TOM1L2: variants seen among roughly 807,000 people sequenced by gnomAD.
TOM1L2 encodes the protein TOM1-like protein 2.
TOM1L2 carries 31 observed loss-of-function variants against 67.9 expected under a neutral mutation model. The ratio of observed to expected loss-of-function variants is 0.46; its 90% CI spans 0.34 to 0.62. The LOEUF is 0.62. Ranked by LOEUF, TOM1L2 falls within the 20% of genes least tolerant of loss-of-function variation. The pLI is 0.01. For missense variants in TOM1L2, 606 were observed against 663.5 expected (o/e 0.91, Z 0.95); for synonymous variants, 256 against 254.0 (o/e 1.01, Z -0.07).
intron 4 of TOM1L2, 98 bp from the exon 5 acceptor site, chr17:17,884,866 C>T: frequency 2.0e-6 from 3 of 1,500,098 alleles, no homozygotes; most frequent in Middle Eastern, 2.4e-4. Flanking sequence ...GACCAGTGCT[C>T]TCCTACTTGC....
chr17:17,970,273 C>A (rs1344223696), intron 1 of TOM1L2, among the ~76,000 whole-genome samples: 1 of 151,854 alleles, frequency 6.6e-6, no homozygotes, highest in Admixed American at 6.6e-5. Context: ...ACCGTGTTAG[C>A]CAAGATGGTC....
intron 4 of TOM1L2, among the ~76,000 whole-genome samples, chr17:17,888,237 T>G (rs1192310049): frequency 6.6e-6 from 1 of 152,138 alleles, no homozygotes; most frequent in Non-Finnish European, 1.5e-5. Context: ...GCTACAAGAT[T>G]AGGGGCTTGG....
At chr17:17,917,114 C>A (rs912760220) in intron 1 of TOM1L2, among the ~76,000 whole-genome samples, 14 of 152,182 alleles carry the variant, frequency 9.2e-5, no homozygotes, top group African/African-American at 3.1e-4. Context: ...GAGCCGAGAT[C>A]ACGCCACTGC....
chr17:17,912,045 T>C (rs1478998455), intron 1 of TOM1L2, among the ~76,000 whole-genome samples: 14 of 151,814 alleles, frequency 9.2e-5, no homozygotes, highest in Admixed American at 7.2e-4. Flanking sequence ...AAGTCTCCCA[T>C]GTCTACTTCT....
chr17:17,911,730 T>C (rs979884091), intron 1 of TOM1L2, among the ~76,000 whole-genome samples: 5 of 149,180 alleles, frequency 3.4e-5, no homozygotes, highest in African/African-American at 9.9e-5. Flanking sequence ...CATAGGACAA[T>C]AGTGGAGGGA....
intron 2 of TOM1L2, among the ~76,000 whole-genome samples, chr17:17,899,045 G>A (rs1598293670): frequency 6.6e-6 from 1 of 152,358 alleles, no homozygotes; most frequent in East Asian, 1.9e-4. Flanking sequence ...TCTAGAAAGA[G>A]CTATAACAAC....
intron 7 of TOM1L2, among the ~76,000 whole-genome samples, chr17:17,873,306 C>T (rs1262199292): frequency 6.6e-6 from 1 of 152,180 alleles, no homozygotes; most frequent in Non-Finnish European, 1.5e-5. Flanking sequence ...ACAGCTTTAA[C>T]ACGTACTTCC....
intron 2 of TOM1L2, among the ~76,000 whole-genome samples, chr17:17,900,447 G>C (rs1246577895): frequency 6.7e-6 from 1 of 149,528 alleles, no homozygotes; most frequent in South Asian, 2.1e-4. Flanking sequence ...GCTTGAACCT[G>C]AGATGTGAAG....
chr17:17,861,135 G>A (rs1449266448), intron 12 of TOM1L2, among the ~76,000 whole-genome samples: 1 of 152,212 alleles, frequency 6.6e-6, no homozygotes, highest in Non-Finnish European at 1.5e-5. Context: ...GGCCACTGTG[G>A]TAGGAACAGC....
chr17:17,939,514 T>C (rs2040643744), intron 1 of TOM1L2, among the ~76,000 whole-genome samples: 1 of 152,208 alleles, frequency 6.6e-6, no homozygotes, highest in African/African-American at 2.4e-5. Context: ...GAGATACATA[T>C]TGAAATATAT....
intron 2 of TOM1L2, among the ~76,000 whole-genome samples, chr17:17,902,213 G>A (rs1274648568): frequency 2.0e-5 from 3 of 152,120 alleles, no homozygotes; most frequent in African/African-American, 7.2e-5. Flanking sequence ...TCCCAGGTAG[G>A]TTATTCAGTC....
In TOM1L2 at chr17:17,898,641, C is replaced by T; in HGVS notation, c.171G>A (p.Arg57=). Residue 57 remains arginine (R), a synonymous_variant, in exon 3 of 15, where the codon CGG becomes CGA. Coordinates refer to ENST00000379504, the MANE Select transcript of TOM1L2 (RefSeq NM_001082968.2). Reference sequence around the variant, plus strand: ...CTCTGTAGTTCCGGTTCCCGTTGAGCCGCTTCTTCAGGGCTCGAATGGCAT... The same window carrying T: ...CTCTGTAGTTCCGGTTCCCGTTGAGTCGCTTCTTCAGGGCTCGAATGGCAT... ...PKDAIRALKK[R]LNGNRNYREV... is the part of the protein sequence containing the mutation. The T allele has an allele frequency of 6.2e-7, 1 of 1,614,234 alleles. No homozygotes were observed. Among genetic ancestry groups the T allele is most frequent in the Non-Finnish European group, 8.5e-7 (1 of 1,180,050 alleles).
In TOM1L2 at chr17:17,879,700, G is replaced by T; in HGVS notation, c.704C>A (p.Thr235Lys). The change falls in exon 7 of 15, where the codon ACA (threonine) becomes AAA (lysine). Residue 235 changes from threonine to lysine, a missense_variant. Thr to Lys is a moderately conservative substitution (Grantham distance 78, BLOSUM62 -1). This residue lies in a region of TOM1L2 where 543 missense variants were observed against 554.0 expected (regional missense o/e 0.98). Transcript: ENST00000379504. ...TGTTAACATCTCAGACATGACTTTTGTGTTTCCTCGAACGACGTCCAGTTC... is the reference window on the plus strand; with the variant it reads ...TGTTAACATCTCAGACATGACTTTTTTGTTTCCTCGAACGACGTCCAGTTC... ...RSELDVVRGN[T>K]KVMSEMLTEM... 4 of 1,614,206 alleles carry T rather than the reference G, an allele frequency of 2.5e-6. No individual in the cohort carries two copies. The highest frequency in any genetic ancestry group is 2.2e-5 in the South Asian group (2 of 91,088).
chr17:17,944,709 G>T (rs988387560), intron 1 of TOM1L2, among the ~76,000 whole-genome samples: 1 of 152,238 alleles, frequency 6.6e-6, no homozygotes, highest in African/African-American at 2.4e-5. Flanking sequence ...ACAAGGAGAG[G>T]TGAAAAGCTG....
intron 1 of TOM1L2, among the ~76,000 whole-genome samples, chr17:17,910,982 G>GTGT (rs2039323231): frequency 6.6e-6 from 1 of 152,208 alleles, no homozygotes; most frequent in African/African-American, 2.4e-5. Flanking sequence ...TTGCCTTCTG[G>GTGT]TGTTGGCTGC....
chr17:17,857,825 T>C (rs1216178009), intron 12 of TOM1L2: 10 of 1,535,566 alleles, frequency 6.5e-6, no homozygotes, highest in African/African-American at 2.7e-5. Flanking sequence ...TCCCCACCTC[T>C]ACCTCTCTTC....
In TOM1L2 at chr17:17,869,441, C is replaced by T. The variant is rs1290878459; in HGVS notation, c.810G>A (p.Gln270=). 5 of 1,612,636 alleles carry T rather than the reference C, an allele frequency of 3.1e-6. No individual in the cohort carries two copies. The highest frequency in any genetic ancestry group is 3.4e-6 in the Non-Finnish European group (4 of 1,179,548). Residue 270 remains glutamine (Q), a synonymous_variant, in exon 8 of 15, where the codon CAG becomes CAA. Coordinates refer to ENST00000379504, the MANE Select transcript of TOM1L2 (RefSeq NM_001082968.2). The stretch of plus-strand genomic sequence containing the variant: ...CGCGGGAGATGAGCTCCACGATGCG[C>T]TGCTGCATGGCCCGACAGGTCCTGT... ...ELNRTCRAMQ[Q]RIVELISRVS... is the part of the protein sequence containing the mutation.
At chr17:17,952,388 T>A (rs957708458) in intron 1 of TOM1L2, among the ~76,000 whole-genome samples, 1 of 113,828 alleles carries the variant, frequency 8.8e-6, no homozygotes. Flanking sequence ...TTTTTTTTTT[T>A]TTTTTTTTTT....
intron 3 of TOM1L2, among the ~76,000 whole-genome samples, chr17:17,894,122 G>A (rs984426828): frequency 1.8e-4 from 28 of 152,146 alleles, no homozygotes; most frequent in African/African-American, 6.0e-4. Flanking sequence ...ATGACTGAGC[G>A]GTCCCTGAAA....
Sources: gnomAD v4.1 joint callset for allele counts (sites outside exome capture counted in the v4.1 genomes callset) on GRCh38, gnomAD v4.1.1 for gene constraint, gnomAD v4.1.1 regional missense constraint, MANE v1.5 for transcripts, NCBI Gene and HGNC (gene_info 2026-07-23, HGNC 2026-07-21) for gene names.